Variants in CTSS observed in about 807,000 individuals in gnomAD.
The protein encoded by CTSS is cathepsin S.
CTSS carries 15 observed loss-of-function variants against 39.9 expected under a neutral mutation model. The ratio of observed to expected loss-of-function variants is 0.38; its 90% confidence interval spans 0.25 to 0.58. The LOEUF is 0.58. CTSS is among the 20% of genes least tolerant of loss of function. The pLI is 0.70. For synonymous variants in CTSS, 126 were observed against 138.2 expected (o/e 0.91, Z 0.62); for missense variants, 250 against 398.2 (o/e 0.63, Z 3.17).
At position 150,755,122 on chromosome 1, in the gene CTSS, C is replaced by T. The variant is rs587725051; in HGVS notation, c.278G>A (p.Ser93Asn). The T allele has an allele frequency of 1.2e-6, 2 of 1,614,170 alleles. No homozygotes were observed. The highest frequency in any genetic ancestry group is 2.2e-5 in the East Asian group (1 of 44,882). Residue 93 changes from serine to asparagine, a missense_variant, in exon 4 of 8, where the codon AGT (serine) becomes AAT (asparagine). Physicochemically the swap from Ser to Asn is conservative, Grantham distance 46. Coordinates refer to ENST00000368985, the MANE Select transcript of CTSS (RefSeq NM_004079.5). ...CCACTGGCTGGGAACTCTCAGGGAA[C>T]TCATCAAAGACATCACTTCTTCACT... Reference protein sequence around the residue: ...MTSEEVMSLMSSLRVPSQWQR... With the variant: ...MTSEEVMSLMNSLRVPSQWQR...
chr1:150,756,834 A>G (rs1295833092), intron 3 of CTSS, among the ~76,000 whole-genome samples: 1 of 150,048 alleles, frequency 6.7e-6, no homozygotes, highest in East Asian at 2.0e-4. Context: ...CTCTTGCCTC[A>G]GCCTCCCAAA....
chr1:150,762,749 C>T (rs1653290729), intron 2 of CTSS, among the ~76,000 whole-genome samples: 1 of 152,072 alleles, frequency 6.6e-6, no homozygotes, highest in South Asian at 2.1e-4. Context: ...GTTAGAATGG[C>T]TATTATCAAA....
chr1:150,735,959 C>T (rs1481557476), intron 7 of CTSS, among the ~76,000 whole-genome samples: 3 of 151,846 alleles, frequency 2.0e-5, no homozygotes, highest in South Asian at 2.1e-4. Flanking sequence ...GGGGTTTTAC[C>T]GTGTTAGCCA....
chr1:150,750,220 A>C (rs1218906453), intron 5 of CTSS, 49 bp from the exon 6 acceptor site: 8 of 1,439,152 alleles, frequency 5.6e-6, no homozygotes, highest in African/African-American at 1.4e-5. Context: ...ACTCCTGTAT[A>C]AATCACCTGT....
At position 150,730,671 on chromosome 1, in the gene CTSS, T is replaced by C. The variant is rs866567397; in HGVS notation, c.*2375A>G. On this transcript the variant is annotated 3_prime_UTR_variant, in exon 8 of 8. Coordinates refer to ENST00000368985, the MANE Select transcript of CTSS (RefSeq NM_004079.5). ...TGTAGGGTGTCCTGAACCCCGTCAC[T>C]AACCTCTAACTGAAAGTTAGGATTT... 2.0e-5 allele frequency: 3 copies of C among 152,360 alleles called. No homozygotes were observed. Among genetic ancestry groups the C allele is most frequent in the Middle Eastern group, 3.4e-3 (1 of 294 alleles). 9.4% of individuals were successfully genotyped at this position (152,360 alleles called of 1,614,324 possible).
chr1:150,739,099 C>A (rs1162762176), intron 7 of CTSS, among the ~76,000 whole-genome samples: 1 of 152,076 alleles, frequency 6.6e-6, no homozygotes, highest in Admixed American at 6.6e-5. Flanking sequence ...GAGGCTGAGG[C>A]AGGAGAATTG....
At position 150,733,080 on chromosome 1, in the gene CTSS, C is replaced by T; in HGVS notation, c.962G>A (p.Gly321Glu). 1.2e-6 allele frequency: 2 copies of T among 1,613,572 alleles called. No individual in the cohort carries two copies. The highest frequency in any genetic ancestry group is 1.7e-6 in the Non-Finnish European group (2 of 1,179,696). ...TGGGTAAGAGGGAAAGCTAGCAATC[C>T]CACAATGATTTCCTTTATTTCTTGC... ...RMARNKGNHC[G>E]IASFPSYPEI The change falls in exon 8 of 8, where the codon GGG (glycine) becomes GAG (glutamate). Residue 321 changes from glycine (G) to glutamate (E), a missense_variant. Gly to Glu is a moderately conservative substitution (Grantham distance 98, BLOSUM62 -2). Transcript: ENST00000368985.
chr1:150,739,218 T>C (rs1054775149), intron 7 of CTSS, among the ~76,000 whole-genome samples: 1 of 151,698 alleles, frequency 6.6e-6, no homozygotes, highest in Non-Finnish European at 1.5e-5. Context: ...AAAACAACCT[T>C]ACAGTGGCTT....
chr1:150,746,301 C>G (rs999837903), intron 7 of CTSS, among the ~76,000 whole-genome samples: 6 of 152,126 alleles, frequency 3.9e-5, no homozygotes, highest in Non-Finnish European at 8.8e-5. Flanking sequence ...AAGAGAAACT[C>G]CAGGTATGCC....
At position 150,746,086 on chromosome 1, in the gene CTSS, T is replaced by G. The variant is rs1460327472; in HGVS notation, c.896+1691A>C. 6.6e-5 allele frequency among the ~76,000 whole-genome samples: 10 copies of G among 152,308 alleles called. No homozygotes were observed. The East Asian group carries it at 1.9e-3, about 29-fold the overall frequency. On this transcript the variant is annotated intron_variant, in intron 7 of 7. Transcript: ENST00000368985. Reference sequence around the variant, plus strand: ...CATTCTACTGTCTGTTTCTGTAAGTTTGACTTTTTTAGATCCCACATATAA... The same window carrying G: ...CATTCTACTGTCTGTTTCTGTAAGTGTGACTTTTTTAGATCCCACATATAA...
chr1:150,736,148 A>G (rs993502075), intron 7 of CTSS, among the ~76,000 whole-genome samples: 4 of 152,200 alleles, frequency 2.6e-5, no homozygotes, highest in Non-Finnish European at 5.9e-5. Flanking sequence ...AGCAAAAGCA[A>G]TAACAAGAAT....
At chr1:150,746,041 C>A (rs1652887872) in intron 7 of CTSS, among the ~76,000 whole-genome samples, 1 of 151,888 alleles carries the variant, frequency 6.6e-6, no homozygotes, top group African/African-American at 2.4e-5. Flanking sequence ...ATTACCCAGC[C>A]TCCAGTCCCT....
chr1:150,750,617 A>G (rs1571100530), intron 5 of CTSS, among the ~76,000 whole-genome samples: 1 of 152,168 alleles, frequency 6.6e-6, no homozygotes, highest in East Asian at 1.9e-4. Flanking sequence ...TGTTGTATAT[A>G]CAACTATTTT....
intron 2 of CTSS, among the ~76,000 whole-genome samples, chr1:150,760,991 C>G (rs1653244899): frequency 6.6e-6 from 1 of 151,380 alleles, no homozygotes; most frequent in African/African-American, 2.4e-5. Context: ...CCAGCCTGAC[C>G]AACATGGTGA....
chr1:150,755,675 G>A (rs1008885232), intron 3 of CTSS, among the ~76,000 whole-genome samples: 3 of 152,138 alleles, frequency 2.0e-5, no homozygotes, highest in Admixed American at 2.0e-4. Flanking sequence ...GGGAGGCGGA[G>A]GTTGCAGTGA....
At position 150,750,408 on chromosome 1, in the gene CTSS, G is replaced by A. The variant is rs587670084; in HGVS notation, c.628-237C>T. Among the ~76,000 whole-genome samples the A allele has an allele frequency of 1.2e-4, 19 of 152,202 alleles. No individual in the cohort carries two copies. The South Asian group carries it at 1.9e-3, about 15-fold the overall frequency. ...GAACATCCTCATACATGCAAAACTT[G>A]CCAGGACAATGGCCCCTCAGACTTT... is the stretch of plus-strand genomic sequence containing the variant. On this transcript the variant is annotated intron_variant, in intron 5 of 7. Transcript: ENST00000368985.
intron 7 of CTSS, among the ~76,000 whole-genome samples, chr1:150,742,004 C>T (rs1438481972): frequency 1.3e-5 from 2 of 151,612 alleles, no homozygotes; most frequent in South Asian, 2.1e-4. Context: ...TTGGGGAGAC[C>T]GAGGTGGGCA....
chr1:150,763,926 A>G (rs1164601252), intron 2 of CTSS, among the ~76,000 whole-genome samples: 3 of 151,924 alleles, frequency 2.0e-5, no homozygotes, highest in Non-Finnish European at 4.4e-5. Context: ...TCTATTATGT[A>G]TTTTGCTTGC....
In CTSS at chr1:150,757,853, C is replaced by G; in HGVS notation, c.249+5G>C. 2 of 1,612,408 alleles carry G rather than the reference C, an allele frequency of 1.2e-6. No individual in the cohort carries two copies. The highest frequency in any genetic ancestry group is 1.7e-6 in the Non-Finnish European group (2 of 1,178,778). On this transcript the variant is annotated splice_donor_5th_base_variant and intron_variant, in intron 3 of 7. Transcript: ENST00000368985. ...TGAAAGTGGGATTTCTTGTAATGTACCTACCATGTCTCCCAGGTGGTTCAT... is the reference window on the plus strand; with the variant it reads ...TGAAAGTGGGATTTCTTGTAATGTAGCTACCATGTCTCCCAGGTGGTTCAT...
Sources: gnomAD v4.1 joint callset for allele counts (sites outside exome capture counted in the v4.1 genomes callset) on GRCh38, gnomAD v4.1.1 for gene constraint, MANE v1.5 for transcripts, NCBI Gene and HGNC (gene_info 2026-07-23, HGNC 2026-07-21) for gene names.